The following MYO3A variants were observed in gnomAD, a reference collection of about 807,000 sequenced individuals.
MYO3A encodes myosin IIIA.
A neutral mutation model predicts 192.7 loss-of-function variants in MYO3A; 180 were observed. The observed-to-expected ratio is 0.93, with a 90% confidence interval of 0.83 to 1.06. The LOEUF (loss-of-function observed/expected upper bound fraction) is 1.06. MYO3A is among the 50% of genes least tolerant of loss of function. The probability of loss-of-function intolerance (pLI) is 0.00; values close to 1 mark genes in which losing one functional copy is unlikely to be tolerated. For missense variants in MYO3A, 1,896 were observed against 1,905.0 expected, an observed-to-expected ratio of 1.00 and a Z score of 0.09; for synonymous variants, 628 against 645.3, an observed-to-expected ratio of 0.97 and a Z score of 0.41.
rs117020330 is a variant in MYO3A, at chr10:26,197,119, A to T, written c.4545+3808A>T. 6.6e-5 allele frequency among the ~76,000 whole-genome samples: 10 copies of T among 152,364 alleles called. 1 individual carries two copies. In the South Asian group the frequency reaches 2.1e-3, roughly 32 times the overall value. ...TCACTGAACCGAGTATTACCAAGGA[A>T]GAAGGCCTTAATCAGGTGCCGTAGC... On this transcript the variant is annotated intron_variant, in intron 32 of 34. Coordinates refer to ENST00000642920, the MANE Select transcript of MYO3A (RefSeq NM_017433.5).
At chr10:26,044,107 A>G (rs1843508990) in intron 10 of MYO3A, among the ~76,000 whole-genome samples, 1 of 152,144 alleles carries the variant, frequency 6.6e-6, no homozygotes, top group Admixed American at 6.5e-5. Flanking sequence ...TAGACATGTC[A>G]TTTGGGAACT....
At chr10:26,167,004 T>C (rs7072451) in intron 27 of MYO3A, among the ~76,000 whole-genome samples, 49,752 of 152,036 alleles carry the variant, frequency 0.33, 8,339 homozygotes, top group South Asian at 0.44. Flanking sequence ...CTCATAGCAT[T>C]ACGAGACAGG....
chr10:26,094,969 T>C (rs1179560765), intron 15 of MYO3A, among the ~76,000 whole-genome samples: 1 of 152,178 alleles, frequency 6.6e-6, no homozygotes, highest in Non-Finnish European at 1.5e-5. Context: ...TAATAATTCC[T>C]TTTCTGAAAG....
intron 10 of MYO3A, among the ~76,000 whole-genome samples, chr10:26,038,624 C>A (rs577224806): frequency 3.7e-4 from 57 of 152,230 alleles, no homozygotes; most frequent in African/African-American, 1.1e-3. Context: ...CCGTCATATC[C>A]TCTGCAAACA....
chr10:26,212,071 C>G lies in MYO3A; in HGVS notation c.*108C>G. 1 of 1,453,506 alleles carries G rather than the reference C, an allele frequency of 6.9e-7. No homozygotes were observed. Among genetic ancestry groups the G allele is most frequent in the Non-Finnish European group, 9.2e-7 (1 of 1,085,924 alleles). The allele number at this position is 1,453,506 out of a possible 1,614,324, so 90.0% of individuals were successfully genotyped here. A position where few individuals can be genotyped will look rare whatever the true frequency, so the allele number is the denominator to read the frequency against. ...CACCAGCAGGCACTGAAGCTGCGGC[C>G]CTGATCTCCGCAGAGGCTGCCTGCT... On this transcript the variant is annotated 3_prime_UTR_variant, in exon 35 of 35. Transcript: ENST00000642920.
chr10:26,181,908 G>A (rs903011394), intron 31 of MYO3A, among the ~76,000 whole-genome samples: 1 of 151,954 alleles, frequency 6.6e-6, no homozygotes, highest in African/African-American at 2.4e-5. Context: ...TTGAACAATA[G>A]GAGAATGATT....
At chr10:26,013,380 A>G (rs908228094) in intron 6 of MYO3A, among the ~76,000 whole-genome samples, 1 of 152,174 alleles carries the variant, frequency 6.6e-6, no homozygotes, top group African/African-American at 2.4e-5. Context: ...TATGCATCCA[A>G]CAAAGGATTA....
chr10:25,947,400 T>C (rs573945067), intron 2 of MYO3A, among the ~76,000 whole-genome samples: 6,406 of 145,736 alleles, frequency 0.044, 177 homozygotes, highest in Non-Finnish European at 0.065. Flanking sequence ...TTTTTTTTTT[T>C]TTTTTTTTTT....
intron 4 of MYO3A, among the ~76,000 whole-genome samples, chr10:25,972,688 A>G (rs114740165): frequency 0.011 from 1,644 of 152,288 alleles, 25 homozygotes; most frequent in African/African-American, 0.036. Flanking sequence ...CTCTTCAGCA[A>G]GCACAGCTTA....
chr10:26,143,539 G>A lies in MYO3A; in HGVS notation c.2354G>A (p.Gly785Asp). The A allele has an allele frequency of 6.2e-7, 1 of 1,613,960 alleles. No homozygotes were observed. The highest frequency in any genetic ancestry group is 8.5e-7 in the Non-Finnish European group (1 of 1,179,948). Residue 785 changes from glycine to aspartate, a missense_variant, in exon 21 of 35, where the codon GGT (glycine) becomes GAT (aspartate). Transcript: ENST00000642920. ...LLDMFLQKPM[G>D]LLSLLDEESR... ...GATATGTTTCTGCAAAAGCCAATGG[G>A]TTTACTTTCCCTACTTGATGAAGAA...
At chr10:25,954,702 A>G (rs187749887) in intron 3 of MYO3A, among the ~76,000 whole-genome samples, 172 bp from the exon 4 acceptor site, 77 of 152,210 alleles carry the variant, frequency 5.1e-4, no homozygotes, top group African/African-American at 1.8e-3. Context: ...GAAAATCACA[A>G]TCTCTCCCCT....
intron 12 of MYO3A, 21 bp from the exon 13 acceptor site, chr10:26,070,089 AT>A: frequency 6.5e-7 from 1 of 1,536,826 alleles, no homozygotes; most frequent in Non-Finnish European, 9.0e-7. Context: ...GCCCTACAAA[AT>A]GTATTCTTTT....
chr10:26,200,483 C>T (rs929913785), intron 32 of MYO3A, among the ~76,000 whole-genome samples: 3 of 152,132 alleles, frequency 2.0e-5, no homozygotes, highest in African/African-American at 7.2e-5. Context: ...GCTGTGGCAA[C>T]ATGTAAATAG....
At chr10:26,109,695 T>G (rs1260309375) in intron 17 of MYO3A, among the ~76,000 whole-genome samples, 1 of 152,194 alleles carries the variant, frequency 6.6e-6, no homozygotes, top group African/African-American at 2.4e-5. Context: ...AAAGTAAACT[T>G]TTCTAGTATG....
rs1211013222 is a variant in MYO3A at position 26,174,648 on chromosome 10, G to T, written c.4293+91G>T. On this transcript the variant is annotated intron_variant, in intron 30 of 34. Coordinates refer to ENST00000642920, the MANE Select transcript of MYO3A (RefSeq NM_017433.5). ...ACACATAATTAATAACTGGTAGATT[G>T]TTTTATCTGCGTTGATGGGCCCGCA... is the stretch of plus-strand genomic sequence containing the variant. 2.7e-6 allele frequency: 3 copies of T among 1,111,070 alleles called. No individual in the cohort carries two copies. The Admixed American group carries it at 6.4e-5, about 24-fold the overall frequency. 68.8% of individuals were successfully genotyped at this position (1,111,070 alleles called of 1,614,324 possible).
chr10:26,177,291 C>A (rs1564623997), intron 31 of MYO3A, among the ~76,000 whole-genome samples: 1 of 152,124 alleles, frequency 6.6e-6, no homozygotes, highest in African/African-American at 2.4e-5. Flanking sequence ...TTCTAGTCAA[C>A]CTATTATACT....
intron 15 of MYO3A, among the ~76,000 whole-genome samples, chr10:26,092,290 C>T (rs1028291472): frequency 2.6e-5 from 4 of 152,014 alleles, no homozygotes; most frequent in African/African-American, 9.7e-5. Context: ...CACGGTGAAA[C>T]CCCATCTCTA....
At position 26,066,849 on chromosome 10, in the gene MYO3A, C is replaced by T. The variant is rs907147820; in HGVS notation, c.954-126C>T. 4.6e-5 allele frequency: 31 copies of T among 677,778 alleles called. No individual in the cohort carries two copies. In the Admixed American group the frequency reaches 6.4e-4, roughly 14 times the overall value. 42.0% of individuals were successfully genotyped at this position (677,778 alleles called of 1,614,324 possible). ...AAGATCAAATATATTAGGCTATTTT[C>T]TGGTATCTTATCATTGAATTTAATA... On this transcript the variant is annotated intron_variant, in intron 10 of 34. Transcript: ENST00000642920.
chr10:26,027,946 A>G (rs190447744), intron 10 of MYO3A, among the ~76,000 whole-genome samples: 116 of 152,338 alleles, frequency 7.6e-4, no homozygotes, highest in African/African-American at 2.4e-3. Flanking sequence ...AAGTCAAAAA[A>G]TTATTAAAGT....
Sources: allele counts gnomAD v4.1 joint callset (sites outside exome capture counted in the v4.1 genomes callset), GRCh38; gene constraint gnomAD v4.1.1; transcripts MANE v1.5; gene names NCBI Gene and HGNC (gene_info 2026-07-23, HGNC 2026-07-21).